LMF1: variants seen among roughly 807,000 people sequenced by gnomAD.
LMF1 encodes the protein transmembrane protein 112.
Under a neutral mutation model 60.6 loss-of-function variants are expected in LMF1, and 68 were observed. That is an observed-to-expected ratio of 1.12 (90% CI 0.92 to 1.37). The LOEUF (loss-of-function observed/expected upper bound fraction) is 1.37, where lower values mean the gene tolerates loss of function less well. Among genes scored for constraint, LMF1 ranks in the 40% most tolerant of loss-of-function variants. The probability of loss-of-function intolerance (pLI) is 0.00; values close to 1 mark genes in which losing one functional copy is unlikely to be tolerated. For synonymous variants in LMF1, 418 were observed against 324.7 expected (o/e 1.29, Z -3.09); for missense variants, 948 against 767.2 (o/e 1.24, Z -2.78).
intron 4 of LMF1, among the ~76,000 whole-genome samples, chr16:909,416 A>G (rs1420259746): frequency 6.6e-6 from 1 of 152,086 alleles, no homozygotes; most frequent in Non-Finnish European, 1.5e-5. Context: ...CACACTAAAC[A>G]CTACACCAAG....
At chr16:948,332 CGACAGAGTCAGAGCCAAT>C (rs1409452454) in intron 2 of LMF1, among the ~76,000 whole-genome samples, 6 of 137,134 alleles carry the variant, frequency 4.4e-5, no homozygotes, top group Non-Finnish European at 6.2e-5. Flanking sequence ...TCAGAGACAA[CGACAGAGTCAGAGCCAAT>C]GACAGAGTCA....
chr16:914,638 T>C, intron 3 of LMF1, among the ~76,000 whole-genome samples: 5 of 151,718 alleles, frequency 3.3e-5, no homozygotes, highest in Admixed American at 6.6e-5. Context: ...GGTGACACAC[T>C]CCCTCCCTCC....
chr16:858,888 T>A (rs1376030377), intron 10 of LMF1, among the ~76,000 whole-genome samples: 7 of 71,106 alleles, frequency 9.8e-5, no homozygotes, highest in African/African-American at 4.5e-4. Context: ...TCGGGACGGG[T>A]GTGCAGTGGT....
intron 5 of LMF1, among the ~76,000 whole-genome samples, chr16:891,332 T>C (rs9924572): frequency 0.44 from 67,509 of 152,106 alleles, 17,550 homozygotes; most frequent in African/African-American, 0.7. Flanking sequence ...ACTGAAGGGA[T>C]GCAGCCCAGG....
chr16:934,111 C>T (rs921685395), intron 3 of LMF1, 133 bp downstream of exon 3: 78 of 1,555,658 alleles, frequency 5.0e-5, no homozygotes, highest in Non-Finnish European at 5.9e-5. Context: ...CCCATCACTG[C>T]CCTCCGTGCA....
chr16:874,494 T>C lies in LMF1; in HGVS notation c.898-3153A>G, dbSNP rs2069910442. 6.6e-6 allele frequency among the ~76,000 whole-genome samples: 1 copy of C among 152,148 alleles called. No homozygotes were observed. Among genetic ancestry groups the C allele is most frequent in the Non-Finnish European group, 1.5e-5 (1 of 68,012 alleles). On this transcript the variant is annotated intron_variant, in intron 6 of 10. Transcript: ENST00000262301. This position sits in a 1 kb window ranked among gnomAD's most constrained non-coding sequence, Gnocchi z 4.1. The stretch of plus-strand genomic sequence containing the variant: ...CAGTGCCCTAGTGGAGGCTGATGGC[T>C]CCCGTGGGGTGCTGGCTGGGCGGCC...
chr16:948,691 CAACGACAG>C (rs2072325629), intron 2 of LMF1, among the ~76,000 whole-genome samples: 1 of 138,844 alleles, frequency 7.2e-6, no homozygotes, highest in Non-Finnish European at 1.5e-5. Flanking sequence ...CAGAGTCAGC[CAACGACAG>C]AATCAGAGAC....
Position 870,846 on chromosome 16 carries a change from C to A in LMF1, c.1115G>T (p.Gly372Val). 6.2e-7 allele frequency: 1 copy of A among 1,611,354 alleles called. No homozygotes were observed. Among genetic ancestry groups the A allele is most frequent in the Non-Finnish European group, 8.5e-7 (1 of 1,179,758 alleles). The change falls in exon 8 of 11, where the codon GGC (glycine) becomes GTC (valine). Residue 372 changes from glycine (G) to valine (V), a missense_variant. Transcript: ENST00000262301. ...CACGCTGAGCCAGGCCAGCAGGACG[C>A]CCAGCGAGACGTTGGCTGCACGCCG... Reference protein sequence around the residue: ...VVRRAANVSLGVLLAWLSVPV... With the variant: ...VVRRAANVSLVVLLAWLSVPV...
chr16:964,661 T>C (rs537042569), intron 1 of LMF1, among the ~76,000 whole-genome samples: 13 of 152,324 alleles, frequency 8.5e-5, no homozygotes, highest in African/African-American at 3.1e-4. Flanking sequence ...CAAAACCAAC[T>C]GAGCAGGGTT....
chr16:971,220 G>A (rs991942408), upstream of LMF1, among the ~76,000 whole-genome samples: 5 of 152,210 alleles, frequency 3.3e-5, no homozygotes, highest in African/African-American at 1.2e-4. Flanking sequence ...TGCGGGTAGG[G>A]CGCGGGGCCG....
intron 1 of LMF1, chr16:976,089 C>G (rs1384483395): frequency 2.7e-6 from 1 of 370,796 alleles, no homozygotes; most frequent in Non-Finnish European, 5.0e-6. Flanking sequence ...GGTACAAACG[C>G]TGATTTTTCT....
At chr16:950,543 A>G (rs1288339768) in intron 2 of LMF1, among the ~76,000 whole-genome samples, 2 of 118,588 alleles carry the variant, frequency 1.7e-5, no homozygotes, top group Non-Finnish European at 3.3e-5. Context: ...AGCCAATGAC[A>G]GAGTCAGCCA....
In LMF1 at chr16:921,824, C is replaced by T. The variant is rs1271802307; in HGVS notation, c.515-10745G>A. Among the ~76,000 whole-genome samples the T allele has an allele frequency of 3.3e-5, 5 of 152,078 alleles. No individual in the cohort carries two copies. The South Asian group carries it at 6.2e-4, about 19-fold the overall frequency. On this transcript the variant is annotated intron_variant, in intron 3 of 10. Coordinates refer to ENST00000262301, the MANE Select transcript of LMF1 (RefSeq NM_022773.4). ...CTACGGCATCCAGGCGGTCCCCGTG[C>T]GGGTTTTACTATACAATTCTTAGGA...
At chr16:967,891 G>A (rs1355152497) in intron 1 of LMF1, among the ~76,000 whole-genome samples, 4 of 152,208 alleles carry the variant, frequency 2.6e-5, no homozygotes, top group South Asian at 2.1e-4. Context: ...GGTCAGCACC[G>A]GGCAGGGTGC....
intron 3 of LMF1, among the ~76,000 whole-genome samples, chr16:912,031 C>T (rs914135669): frequency 5.3e-5 from 8 of 152,164 alleles, no homozygotes; most frequent in Admixed American, 5.2e-4. Context: ...CCACAGCTCG[C>T]GTCTGTCAAT....
intron 10 of LMF1, among the ~76,000 whole-genome samples, chr16:857,537 CGGGTGTG>C (rs1341043823): frequency 8.0e-5 from 6 of 74,940 alleles, no homozygotes; most frequent in African/African-American, 2.9e-4. Flanking sequence ...TGTCACGGGA[CGGGTGTG>C]AGTGGTGTCA....
intron 3 of LMF1, chr16:931,865 G>C: frequency 8.3e-7 from 1 of 1,210,898 alleles, no homozygotes; most frequent in Non-Finnish European, 1.1e-6. Context: ...ACATTAATGA[G>C]TCAACAATTC....
chr16:979,160 C>G lies in LMF1; in HGVS notation c.-135+1985G>C, dbSNP rs762297006. Reference sequence around the variant, plus strand: ...AATACCTGGTGACCCTCAAGCCATCCCGACACCTCCCTCTCTGAAAGCTCC... The same window carrying G: ...AATACCTGGTGACCCTCAAGCCATCGCGACACCTCCCTCTCTGAAAGCTCC... On this transcript the variant is annotated intron_variant, in intron 1 of 6. Transcript: ENST00000570014. 11 of 441,992 alleles carry G rather than the reference C, an allele frequency of 2.5e-5. 1 individual carries two copies. The highest frequency in any genetic ancestry group is 1.7e-4 in the South Asian group (11 of 64,016). The allele number at this position is 441,992 out of a possible 1,614,324, so 27.4% of individuals were successfully genotyped here.
At chr16:978,244 GCACTATACACGCACCATACA>G (rs1276449602) in intron 1 of LMF1, among the ~76,000 whole-genome samples, 3 of 144,714 alleles carry the variant, frequency 2.1e-5, no homozygotes, top group Admixed American at 6.8e-5. Flanking sequence ...CACACCATAC[GCACTATACACGCACCATACA>G]CACTATACAC....
Sources: allele counts gnomAD v4.1 joint callset (sites outside exome capture counted in the v4.1 genomes callset), GRCh38; gene constraint gnomAD v4.1.1; non-coding constraint Gnocchi (gnomAD v3.1); transcripts MANE v1.5; gene names NCBI Gene and HGNC (gene_info 2026-07-23, HGNC 2026-07-21).